Variants in ST6GALNAC3 observed in about 807,000 individuals in gnomAD.
The protein encoded by ST6GALNAC3 is ST6 N-acetylgalactosaminide alpha-2,6-sialyltransferase 3, also known as alpha-N-acetylgalactosaminide alpha-2,6-sialyltransferase 3.
In ST6GALNAC3, 25 loss-of-function variants were observed where a neutral mutation model predicts 32.7. That is an observed-to-expected ratio of 0.76 (90% CI 0.56 to 1.07). The LOEUF (loss-of-function observed/expected upper bound fraction) is 1.07, where lower values mean the gene tolerates loss of function less well. ST6GALNAC3 is among the 50% of genes least tolerant of loss of function. ST6GALNAC3 has a pLI of 0.00. For missense variants in ST6GALNAC3, 355 were observed against 382.4 expected (o/e 0.93, Z 0.60); for synonymous variants, 129 against 133.1 (o/e 0.97, Z 0.21).
chr1:76,363,001 C>T (rs1430781004), intron 2 of ST6GALNAC3, among the ~76,000 whole-genome samples: 1 of 152,240 alleles, frequency 6.6e-6, no homozygotes, highest in Non-Finnish European at 1.5e-5. Flanking sequence ...AACTCCACAT[C>T]TCTCCTCCAC....
At chr1:76,429,123 AT>A (rs945865106) in intron 3 of ST6GALNAC3, among the ~76,000 whole-genome samples, 6 of 152,056 alleles carry the variant, frequency 3.9e-5, no homozygotes, top group African/African-American at 1.2e-4. Flanking sequence ...GTGTATGTGT[AT>A]GTATGTACTT....
At chr1:76,599,072 A>C (rs1647180412) in intron 3 of ST6GALNAC3, among the ~76,000 whole-genome samples, 1 of 152,044 alleles carries the variant, frequency 6.6e-6, no homozygotes, top group Non-Finnish European at 1.5e-5. Flanking sequence ...CTTTTTTCTT[A>C]CAGACATTTT....
At chr1:76,182,876 C>G (rs1174973835) in intron 1 of ST6GALNAC3, among the ~76,000 whole-genome samples, 1 of 151,856 alleles carries the variant, frequency 6.6e-6, no homozygotes, top group Non-Finnish European at 1.5e-5. Context: ...TTTTTACAAC[C>G]TACGAATTAC....
chr1:76,495,297 T>G (rs1415187156), intron 3 of ST6GALNAC3, among the ~76,000 whole-genome samples: 1 of 152,164 alleles, frequency 6.6e-6, no homozygotes, highest in African/African-American at 2.4e-5. Flanking sequence ...TAAATGTGGC[T>G]GAGAAAACAG....
intron 3 of ST6GALNAC3, among the ~76,000 whole-genome samples, chr1:76,564,337 T>G (rs1665419867): frequency 1.3e-5 from 2 of 152,204 alleles, no homozygotes; most frequent in Non-Finnish European, 2.9e-5. Context: ...TACTTTGTAT[T>G]TGTAATTTTA....
At chr1:76,091,450 G>A (rs1325733857) in intron 1 of ST6GALNAC3, among the ~76,000 whole-genome samples, 1 of 152,194 alleles carries the variant, frequency 6.6e-6, no homozygotes, top group Non-Finnish European at 1.5e-5. Context: ...AATGCCTACT[G>A]TTTGTTTCCC....
chr1:76,423,712 C>T (rs1655181410), intron 3 of ST6GALNAC3, among the ~76,000 whole-genome samples: 3 of 152,092 alleles, frequency 2.0e-5, no homozygotes, highest in African/African-American at 7.2e-5. Flanking sequence ...GGCACTATTA[C>T]AGGCATGTAA....
intron 2 of ST6GALNAC3, among the ~76,000 whole-genome samples, chr1:76,375,221 G>A (rs1297038294): frequency 6.6e-6 from 1 of 152,166 alleles, no homozygotes; most frequent in Non-Finnish European, 1.5e-5. Context: ...CCATTGTACA[G>A]AAGGAGATGG....
At chr1:76,481,834 A>G (rs767752508) in intron 3 of ST6GALNAC3, among the ~76,000 whole-genome samples, 1 of 152,140 alleles carries the variant, frequency 6.6e-6, no homozygotes, top group South Asian at 2.1e-4. Flanking sequence ...AATATTTTAC[A>G]TGCAAATGTC....
chr1:76,550,524 A>G (rs1664558555), intron 3 of ST6GALNAC3, among the ~76,000 whole-genome samples: 1 of 151,474 alleles, frequency 6.6e-6, no homozygotes, highest in African/African-American at 2.4e-5. Context: ...TGACAGTACT[A>G]CTCCTTGATT....
chr1:76,581,440 CT>C lies in ST6GALNAC3; in HGVS notation c.624-46009del, dbSNP rs1646890468. Among the ~76,000 whole-genome samples the C allele has an allele frequency of 5.3e-5, 8 of 152,084 alleles. No homozygotes were observed. In the South Asian group the frequency reaches 1.7e-3, roughly 31 times the overall value. On this transcript the variant is annotated intron_variant, in intron 3 of 4. Coordinates refer to ENST00000328299, the MANE Select transcript of ST6GALNAC3 (RefSeq NM_152996.4). ...ATTCACCAGACAAGGAAAGCAATAA[CT>C]TTGTAGCATGTCATATGTCTGTGTT...
chr1:76,545,434 T>C (rs1009821666), intron 3 of ST6GALNAC3, among the ~76,000 whole-genome samples: 1 of 152,132 alleles, frequency 6.6e-6, no homozygotes, highest in Non-Finnish European at 1.5e-5. Flanking sequence ...GAACCTAATA[T>C]AAGTTTCCAG....
At chr1:76,170,778 C>A (rs1054212948) in intron 1 of ST6GALNAC3, among the ~76,000 whole-genome samples, 67 of 152,238 alleles carry the variant, frequency 4.4e-4, no homozygotes, top group African/African-American at 1.6e-3. Context: ...TTTTATTGAT[C>A]CGAGCACAAA....
intron 3 of ST6GALNAC3, among the ~76,000 whole-genome samples, chr1:76,481,219 A>G (rs1420753632): frequency 6.6e-6 from 1 of 152,194 alleles, no homozygotes; most frequent in African/African-American, 2.4e-5. Context: ...AATAGGCCTA[A>G]TTGGAGGGAA....
intron 1 of ST6GALNAC3, among the ~76,000 whole-genome samples, chr1:76,208,973 C>A (rs867118428): frequency 6.6e-6 from 1 of 152,162 alleles, no homozygotes. Context: ...CAGAAACCTT[C>A]TAATCTTCAT....
At chr1:76,590,518 A>G (rs1487582961) in intron 3 of ST6GALNAC3, among the ~76,000 whole-genome samples, 1 of 152,188 alleles carries the variant, frequency 6.6e-6, no homozygotes, top group Admixed American at 6.5e-5. Flanking sequence ...CATGGTGGAG[A>G]TTTTAACAAC....
chr1:76,507,493 A>G (rs886481693), intron 3 of ST6GALNAC3, among the ~76,000 whole-genome samples: 1 of 152,150 alleles, frequency 6.6e-6, no homozygotes, highest in Non-Finnish European at 1.5e-5. Flanking sequence ...TTCTGTCTCT[A>G]TAGGTTTGCC....
At chr1:76,564,863 G>T (rs763191465) in intron 3 of ST6GALNAC3, among the ~76,000 whole-genome samples, 1 of 152,084 alleles carries the variant, frequency 6.6e-6, no homozygotes, top group Non-Finnish European at 1.5e-5. Flanking sequence ...GATTACAGGC[G>T]TGGCAGCATT....
chr1:76,452,215 G>A (rs1657457752), intron 3 of ST6GALNAC3, among the ~76,000 whole-genome samples: 1 of 152,104 alleles, frequency 6.6e-6, no homozygotes, highest in Non-Finnish European at 1.5e-5. Flanking sequence ...AGATCTAATG[G>A]CTTTATAAGG....
Sources: gnomAD v4.1 joint callset for allele counts (sites outside exome capture counted in the v4.1 genomes callset) on GRCh38, gnomAD v4.1.1 for gene constraint, MANE v1.5 for transcripts, NCBI Gene and HGNC (gene_info 2026-07-23, HGNC 2026-07-21) for gene names.